The following PARN variants were observed in gnomAD, a reference collection of about 807,000 sequenced individuals.
PARN encodes poly(A)-specific ribonuclease PARN.
Under a neutral mutation model 102.8 loss-of-function variants are expected in PARN, and 71 were observed. The observed-to-expected ratio is 0.69, with a 90% CI of 0.57 to 0.84. The LOEUF (loss-of-function observed/expected upper bound fraction) is 0.84. Ranked by LOEUF, PARN falls within the 40% of genes least tolerant of loss-of-function variation. PARN has a pLI of 0.00. For missense variants in PARN, 782 were observed against 760.9 expected, an observed-to-expected ratio of 1.03 and a Z score of -0.33; for synonymous variants, 261 against 252.9, an observed-to-expected ratio of 1.03 and a Z score of -0.30.
chr16:14,457,596 G>A (rs942156719), intron 22 of PARN, among the ~76,000 whole-genome samples: 8 of 151,778 alleles, frequency 5.3e-5, no homozygotes, highest in Admixed American at 1.3e-4. Context: ...GGTGGAGTTC[G>A]AGACCAGCCT....
intron 16 of PARN, among the ~76,000 whole-genome samples, chr16:14,582,713 G>C (rs1357469196): frequency 6.6e-6 from 1 of 152,010 alleles, no homozygotes; most frequent in East Asian, 1.9e-4. Context: ...GGGCTCTGGA[G>C]TCACACTGAG....
chr16:14,458,839 C>T (rs569663441), intron 22 of PARN, among the ~76,000 whole-genome samples: 28 of 152,236 alleles, frequency 1.8e-4, no homozygotes, highest in Admixed American at 7.8e-4. Flanking sequence ...CTGGAGAAAG[C>T]GATCTCCGCA....
intron 15 of PARN, 76 bp from the exon 16 acceptor site, chr16:14,584,498 C>T (rs2151754299): frequency 8.2e-7 from 1 of 1,218,466 alleles, no homozygotes. Context: ...ACTGACCCCC[C>T]CAAAAAAAAG....
intron 21 of PARN, among the ~76,000 whole-genome samples, chr16:14,486,058 C>A (rs1243876152): frequency 6.6e-6 from 1 of 152,050 alleles, no homozygotes; most frequent in Non-Finnish European, 1.5e-5. Flanking sequence ...ATGACATCTG[C>A]AATAATCCCT....
chr16:14,611,501 GCA>G (rs2151798673), intron 6 of PARN, among the ~76,000 whole-genome samples: 1 of 152,262 alleles, frequency 6.6e-6, no homozygotes, highest in African/African-American at 2.4e-5. Context: ...AATTGTCCAG[GCA>G]AGAGACAAGA....
intron 23 of PARN, among the ~76,000 whole-genome samples, chr16:14,438,481 A>C (rs1209801084): frequency 6.6e-6 from 1 of 150,500 alleles, no homozygotes; most frequent in Non-Finnish European, 1.5e-5. Flanking sequence ...GCCACCAGAC[A>C]CACAGGAAGT....
intron 22 of PARN, among the ~76,000 whole-genome samples, chr16:14,457,306 G>A (rs942104488): frequency 4.6e-5 from 7 of 152,054 alleles, no homozygotes; most frequent in African/African-American, 9.7e-5. Context: ...GGAGAGATCC[G>A]GTAAGTGGGA....
intron 9 of PARN, among the ~76,000 whole-genome samples, chr16:14,607,478 G>C (rs915646290): frequency 6.6e-6 from 1 of 152,158 alleles, no homozygotes; most frequent in Non-Finnish European, 1.5e-5. Context: ...AAAGTACCAG[G>C]ATTACAGGAG....
intron 11 of PARN, among the ~76,000 whole-genome samples, chr16:14,602,842 T>C (rs1320445307): frequency 2.0e-5 from 3 of 151,650 alleles, no homozygotes; most frequent in African/African-American, 7.3e-5. Context: ...AGCTGCAGAG[T>C]ATCAAAGCCC....
intron 21 of PARN, among the ~76,000 whole-genome samples, chr16:14,500,416 G>C (rs1964524764): frequency 6.6e-6 from 1 of 151,912 alleles, no homozygotes; most frequent in South Asian, 2.1e-4. Flanking sequence ...GTTTTTTTAA[G>C]ACAGGGTCTC....
At chr16:14,518,509 A>G (rs1965574661) in intron 21 of PARN, among the ~76,000 whole-genome samples, 1 of 152,112 alleles carries the variant, frequency 6.6e-6, no homozygotes, top group African/African-American at 2.4e-5. Context: ...TCGTACTACT[A>G]TGCAGTAATC....
At chr16:14,611,744 T>C (rs917473052) in intron 6 of PARN, among the ~76,000 whole-genome samples, 4 of 152,194 alleles carry the variant, frequency 2.6e-5, no homozygotes, top group South Asian at 2.1e-4. Context: ...TTTCGCTATG[T>C]TGGCCAGGCT....
chr16:14,562,614 T>C (rs1199931013), intron 18 of PARN, among the ~76,000 whole-genome samples: 2 of 151,702 alleles, frequency 1.3e-5, no homozygotes, highest in Non-Finnish European at 2.9e-5. Flanking sequence ...GTGAAATTAC[T>C]GCTGACAGCT....
chr16:14,579,690 T>C (rs777536847), intron 18 of PARN, among the ~76,000 whole-genome samples: 1 of 152,282 alleles, frequency 6.6e-6, no homozygotes, highest in East Asian at 1.9e-4. Flanking sequence ...TGGACCTATA[T>C]TTAGCTGGCC....
At chr16:14,492,696 C>T (rs1046612955) in intron 21 of PARN, among the ~76,000 whole-genome samples, 4 of 152,110 alleles carry the variant, frequency 2.6e-5, no homozygotes, top group South Asian at 2.1e-4. Flanking sequence ...ATTGAGGCCA[C>T]GGAAGCAGCA....
At chr16:14,499,944 A>C (rs1230230039) in intron 21 of PARN, among the ~76,000 whole-genome samples, 1 of 152,268 alleles carries the variant, frequency 6.6e-6, no homozygotes, top group African/African-American at 2.4e-5. Context: ...GTATTTTAAA[A>C]TTCTCAATGA....
At chr16:14,535,127 C>T (rs1567358345) in intron 21 of PARN, among the ~76,000 whole-genome samples, 1 of 152,190 alleles carries the variant, frequency 6.6e-6, no homozygotes, top group African/African-American at 2.4e-5. Context: ...AGCCATCGCA[C>T]CCTGGCTAAA....
intron 18 of PARN, among the ~76,000 whole-genome samples, chr16:14,560,596 C>G (rs1484968674): frequency 3.3e-5 from 5 of 152,206 alleles, no homozygotes; most frequent in Non-Finnish European, 7.3e-5. Context: ...TTTGTGGAAT[C>G]TGTCATTTTT....
At chr16:14,575,925 T>G (rs1478602584) in intron 18 of PARN, 1 of 152,332 alleles carries the variant, frequency 6.6e-6, no homozygotes, top group Non-Finnish European at 1.5e-5. Flanking sequence ...TGATAGTGAA[T>G]GAATCTCACA....
Sources: allele counts gnomAD v4.1 joint callset (sites outside exome capture counted in the v4.1 genomes callset), GRCh38; gene constraint gnomAD v4.1.1; transcripts MANE v1.5; gene names NCBI Gene and HGNC (gene_info 2026-07-23, HGNC 2026-07-21).